MYH3: variants seen among roughly 807,000 people sequenced by gnomAD.
The protein encoded by MYH3 is myosin-3.
A neutral mutation model predicts 238.0 loss-of-function variants in MYH3; 130 were observed. The ratio of observed to expected loss-of-function variants is 0.55; its 90% CI spans 0.47 to 0.63. The LOEUF is 0.63. Ranked by LOEUF, MYH3 falls within the 30% of genes least tolerant of loss-of-function variation. MYH3 has a pLI of 0.00. For missense variants in MYH3, 1,853 were observed against 2,374.9 expected, an observed-to-expected ratio of 0.78 and a Z score of 4.57; for synonymous variants, 880 against 924.1, an observed-to-expected ratio of 0.95 and a Z score of 0.86.
At chr17:10,659,845 T>C (rs748315579), upstream of MYH3, among the ~76,000 whole-genome samples, 2 of 152,048 alleles carry the variant, frequency 1.3e-5, no homozygotes, top group African/African-American at 4.8e-5. Context: ...GCGTCAGGGA[T>C]AGAGGTCAGC....
chr17:10,661,999 C>T (rs907682592), upstream of MYH3, among the ~76,000 whole-genome samples: 2 of 151,898 alleles, frequency 1.3e-5, no homozygotes, highest in African/African-American at 2.4e-5. Context: ...TATTATGCAC[C>T]TTCCCCAGCT....
At position 10,642,277 on chromosome 17, in the gene MYH3, T is replaced by C. The variant is rs766009153; in HGVS notation, c.1922A>G (p.Lys641Arg). The change falls in exon 17 of 41, where the codon AAG becomes AGG. Residue 641 changes from lysine (K) to arginine (R), a missense_variant. Lys to Arg is a conservative substitution (Grantham distance 26, BLOSUM62 2). This residue lies in a region of MYH3 where 678 missense variants were observed against 1,058.9 expected (regional missense o/e 0.64). Transcript: ENST00000583535. The surrounding 1 kb of genome is among the most constrained non-coding windows in gnomAD (Gnocchi z 5.4). ...AGAGACAGTTTGGAAGGAAGAACCC[T>C]TCTTCTTGGCAACTTTCTTCTTTCC... is the stretch of plus-strand genomic sequence containing the variant. ...DSGKKKVAKK[K>R]GSSFQTVSAL... 3 of 1,613,978 alleles carry C rather than the reference T, an allele frequency of 1.9e-6. No individual in the cohort carries two copies. The highest frequency in any genetic ancestry group is 2.5e-6 in the Non-Finnish European group (3 of 1,179,858).
chr17:10,663,855 G>A, the MYH3 span, among the ~76,000 whole-genome samples: 2 of 152,148 alleles, frequency 1.3e-5, no homozygotes, highest in South Asian at 2.1e-4. Flanking sequence ...CTTAGATCAG[G>A]AGTTCGAGAC....
intron 10 of MYH3, 134 bp downstream of exon 10, chr17:10,647,048 T>G (rs780550467): frequency 3.2e-5 from 24 of 748,642 alleles, no homozygotes; most frequent in Non-Finnish European, 5.2e-5. Flanking sequence ...AGACCCTATC[T>G]CAAAATAAAT....
At chr17:10,667,182 G>A in the MYH3 span, among the ~76,000 whole-genome samples, 1 of 152,196 alleles carries the variant, frequency 6.6e-6, no homozygotes, top group Non-Finnish European at 1.5e-5. Flanking sequence ...AATGATACGT[G>A]CAATTTCCCT....
chr17:10,644,288 G>T (rs2074299882), intron 14 of MYH3, 63 bp downstream of exon 14: 1 of 1,548,318 alleles, frequency 6.5e-7, no homozygotes, highest in Admixed American at 1.7e-5. Flanking sequence ...TTCCCTTTAG[G>T]ATCATGAAAC....
rs183722675 is a variant in MYH3, at chr17:10,643,606, C to A, written c.1411-610G>T. On this transcript the variant is annotated intron_variant, in intron 14 of 40. Transcript: ENST00000583535. Reference sequence around the variant, plus strand: ...GGCCAGGATGGTCTTGATCTCTTGACCTTGCGATCTGCCTGCCTCAGCCTC... The same window carrying A: ...GGCCAGGATGGTCTTGATCTCTTGAACTTGCGATCTGCCTGCCTCAGCCTC... Among the ~76,000 whole-genome samples the A allele has an allele frequency of 1.7e-3, 253 of 152,084 alleles. 1 individual carries two copies. Among genetic ancestry groups the A allele is most frequent in the Admixed American group, 7.5e-3 (115 of 15,272 alleles).
At position 10,645,807 on chromosome 17, in the gene MYH3, T is replaced by C. The variant is rs2142410812; in HGVS notation, c.1041A>G (p.Lys347=). ...CTCCCGTCAGCTTGTAGAGCCCAGA[T>C]TTCTCTTCTGGGGTGAAGCCCAGGA... The part of the protein sequence containing the change: ...IDILGFTPEE[K]SGLYKLTGAV... Residue 347 remains lysine, a synonymous_variant, in exon 12 of 41, where the codon AAA becomes AAG. Transcript: ENST00000583535. 3 of 1,613,802 alleles carry C rather than the reference T, an allele frequency of 1.9e-6. No homozygotes were observed. Among genetic ancestry groups the C allele is most frequent in the Middle Eastern group, 3.3e-4 (2 of 6,062 alleles).
Position 10,640,263 on chromosome 17 carries a change from A to C in MYH3, c.2427-12T>G. ...AGAAGATGGACTCCCTAAAAACAAG[A>C]CATTGCTTATTTCTGAGAGAGACTC... On this transcript the variant is annotated splice_polypyrimidine_tract_variant and intron_variant, in intron 21 of 40. Transcript: ENST00000583535. 1 of 1,614,202 alleles carries C rather than the reference A, an allele frequency of 6.2e-7. No homozygotes were observed. Among genetic ancestry groups the C allele is most frequent in the Non-Finnish European group, 8.5e-7 (1 of 1,180,034 alleles).
At chr17:10,645,562 A>C (rs1246892987) in intron 12 of MYH3, 145 bp downstream of exon 12, 1 of 1,002,914 alleles carries the variant, frequency 1.0e-6, no homozygotes, top group Non-Finnish European at 1.5e-6. Flanking sequence ...ACCTCAGGTG[A>C]TCTGGCCCCC....
In MYH3 at chr17:10,635,370, G is replaced by T; in HGVS notation, c.4169C>A (p.Ala1390Asp). 2 of 1,613,992 alleles carry T rather than the reference G, an allele frequency of 1.2e-6. No homozygotes were observed. Among genetic ancestry groups the T allele is most frequent in the Non-Finnish European group, 1.7e-6 (2 of 1,179,868 alleles). The part of the protein sequence containing the change: ...AIQRTEELEE[A>D]KKKLAQRLQD... ...AAAAGCAAACAGAGCTGCGCACTTG[G>T]CCTCCTCCAGCTCTTCTGTGCGCTG... Residue 1390 changes from alanine (A) to aspartate (D), a missense_variant, in exon 30 of 41, where the codon GCC becomes GAC. Physicochemically the swap from Ala to Asp is moderately radical, Grantham distance 126. Transcript: ENST00000583535.
chr17:10,652,103 T>C (rs1307310619), intron 4 of MYH3: 4 of 434,012 alleles, frequency 9.2e-6, no homozygotes, highest in Non-Finnish European at 1.3e-5. Flanking sequence ...CTACCATTCC[T>C]ATTTATAGTG....
rs1335377609 is a variant in MYH3 at position 10,639,576 on chromosome 17, T to C, written c.2909A>G (p.His970Arg). ...TAAGAATACCTTGTTCTCTGTGGCA[T>C]GCTTCTCCTTCTCAACCTTGGCCAG... ...LTLAKVEKEK[H>R]ATENKVKNLT... The change falls in exon 23 of 41, where the codon CAT (histidine) becomes CGT (arginine). Residue 970 changes from histidine to arginine, a missense_variant. Physicochemically the swap from His to Arg is conservative, Grantham distance 29. Transcript: ENST00000583535. 1.2e-6 allele frequency: 2 copies of C among 1,614,170 alleles called. No individual in the cohort carries two copies. The highest frequency in any genetic ancestry group is 2.2e-5 in the East Asian group (1 of 44,892).
In MYH3 at chr17:10,644,877, G is replaced by C. The variant is rs113294208; in HGVS notation, c.1142-175C>G. ...ACTCAGAGAATATAATGGACTTTAT[G>C]AAAAGCCAGGGCTGGGTCTCAGAAA... is the stretch of plus-strand genomic sequence containing the variant. On this transcript the variant is annotated intron_variant, in intron 12 of 40. Coordinates refer to ENST00000583535, the MANE Select transcript of MYH3 (RefSeq NM_002470.4). 1.8e-3 allele frequency among the ~76,000 whole-genome samples: 278 copies of C among 152,306 alleles called. 2 individuals are homozygous for C. Among genetic ancestry groups the C allele is most frequent in the African/African-American group, 6.5e-3 (269 of 41,570 alleles).
Position 10,635,576 on chromosome 17 carries a change from A to C in MYH3, c.3976-13T>G, listed in dbSNP as rs1251904261. The C allele has an allele frequency of 1.2e-6, 2 of 1,614,148 alleles. No individual in the cohort carries two copies. The highest frequency in any genetic ancestry group is 1.7e-6 in the Non-Finnish European group (2 of 1,180,054). On this transcript the variant is annotated splice_polypyrimidine_tract_variant and intron_variant, in intron 29 of 40. Transcript: ENST00000583535. ...GGGCGTTCTTGGCCTGCAGAAGTTA[A>C]AAAGAGAAGAGCACCTGATATATTT...
the MYH3 span, chr17:10,674,713 C>T: frequency 2.0e-5 from 3 of 152,612 alleles, no homozygotes; most frequent in African/African-American, 7.2e-5. Flanking sequence ...CCTCACGAAA[C>T]CTTGGTGGCC....
At chr17:10,675,486 C>G in the MYH3 span, 1 of 152,146 alleles carries the variant, frequency 6.6e-6, no homozygotes, top group Admixed American at 6.5e-5. Context: ...AGGGTGCAAA[C>G]AGTAAAAGGC....
rs962756224 is a variant in MYH3, at chr17:10,634,756, G to A, written c.4356+84C>T. ...ACACTGCTGGTGAGGGCAGAGTCAGGTCCGGGATGCATTCTCCTCCTTCCA... is the reference window on the plus strand; with the variant it reads ...ACACTGCTGGTGAGGGCAGAGTCAGATCCGGGATGCATTCTCCTCCTTCCA... On this transcript the variant is annotated intron_variant, in intron 31 of 40. Transcript: ENST00000583535. 7.1e-6 allele frequency: 11 copies of A among 1,549,414 alleles called. No homozygotes were observed. In the South Asian group the frequency reaches 1.0e-4, roughly 14 times the overall value.
intron 10 of MYH3, 46 bp from the exon 11 acceptor site, chr17:10,646,078 A>G: frequency 6.5e-7 from 1 of 1,540,730 alleles, no homozygotes; most frequent in Non-Finnish European, 9.0e-7. Flanking sequence ...TGCAAAGAAA[A>G]AACCCACCCA....
Sources: gnomAD v4.1 joint callset for allele counts (sites outside exome capture counted in the v4.1 genomes callset) on GRCh38, gnomAD v4.1.1 for gene constraint, gnomAD v4.1.1 regional missense constraint, Gnocchi (gnomAD v3.1) non-coding constraint, MANE v1.5 for transcripts, NCBI Gene and HGNC (gene_info 2026-07-23, HGNC 2026-07-21) for gene names.